AGPAT5: variants seen among roughly 807,000 people sequenced by gnomAD.
The protein encoded by AGPAT5 is 1-acyl-sn-glycerol-3-phosphate acyltransferase epsilon.
In AGPAT5, 46 loss-of-function variants were observed where a neutral mutation model predicts 45.6. The observed-to-expected ratio is 1.01, with a 90% CI of 0.80 to 1.29. The LOEUF (loss-of-function observed/expected upper bound fraction) is 1.29, where lower values mean the gene tolerates loss of function less well. Ranked by LOEUF, AGPAT5 falls within the 50% of genes most tolerant of loss-of-function variation. The pLI, the probability that AGPAT5 is intolerant of heterozygous loss-of-function variation, is 0.00. For synonymous variants in AGPAT5, 272 were observed against 167.0 expected, an observed-to-expected ratio of 1.63 and a Z score of -4.85; for missense variants, 673 against 450.7, an observed-to-expected ratio of 1.49 and a Z score of -4.47.
chr8:6,738,980 T>G (rs942813060), intron 4 of AGPAT5, among the ~76,000 whole-genome samples: 1 of 152,162 alleles, frequency 6.6e-6, no homozygotes, highest in African/African-American at 2.4e-5. Flanking sequence ...GATTTATTTA[T>G]AATTAATGTT....
chr8:6,731,954 G>A (rs1049654941), intron 3 of AGPAT5, among the ~76,000 whole-genome samples: 5 of 152,140 alleles, frequency 3.3e-5, no homozygotes, highest in Admixed American at 2.6e-4. Context: ...AGAAGGACTA[G>A]TTACACTGGA....
chr8:6,712,525 G>A (rs1271962176), intron 1 of AGPAT5, among the ~76,000 whole-genome samples: 1 of 152,158 alleles, frequency 6.6e-6, no homozygotes, highest in Non-Finnish European at 1.5e-5. Flanking sequence ...GAAGTAACTT[G>A]AATGTGGAAT....
intron 6 of AGPAT5, 91 bp from the exon 7 acceptor site, chr8:6,754,956 CTTTT>C: frequency 9.7e-7 from 1 of 1,033,852 alleles, no homozygotes; most frequent in Non-Finnish European, 1.3e-6. Flanking sequence ...CATTTTACAA[CTTTT>C]TTTGTCCTGT....
At chr8:6,715,227 T>C (rs1031431019) in intron 1 of AGPAT5, among the ~76,000 whole-genome samples, 2 of 151,978 alleles carry the variant, frequency 1.3e-5, no homozygotes, top group Non-Finnish European at 2.9e-5. Context: ...TTTAGCCTGG[T>C]GGGTGAGAGG....
rs1040005034 is a variant in AGPAT5 at position 6,761,326 on chromosome 8, T to C, written c.*3938T>C. Among the ~76,000 whole-genome samples, 19 of 151,332 alleles carry C rather than the reference T, an allele frequency of 1.3e-4. No homozygotes were observed. Among genetic ancestry groups the C allele is most frequent in the African/African-American group, 4.4e-4 (18 of 40,626 alleles). On this transcript the variant is annotated 3_prime_UTR_variant, in exon 8 of 8. Coordinates refer to ENST00000285518, the MANE Select transcript of AGPAT5 (RefSeq NM_018361.5). ...AAGATATGTTCTGCAATTTTATAAA[T>C]GTTCATGTCTTTTTTTAAAAAAGGT...
chr8:6,727,049 G>A (rs1248434699), intron 2 of AGPAT5, among the ~76,000 whole-genome samples: 2 of 152,050 alleles, frequency 1.3e-5, no homozygotes, highest in East Asian at 3.9e-4. Context: ...ATTGTGTTTA[G>A]GTACCCTTCT....
intron 6 of AGPAT5, among the ~76,000 whole-genome samples, chr8:6,753,890 C>T (rs1029419619): frequency 6.6e-6 from 1 of 152,102 alleles, no homozygotes; most frequent in African/African-American, 2.4e-5. Flanking sequence ...ACTAAGAGCT[C>T]GACACTGAAG....
chr8:6,713,747 G>C (rs1056831595), intron 1 of AGPAT5, among the ~76,000 whole-genome samples: 2 of 151,980 alleles, frequency 1.3e-5, no homozygotes, highest in African/African-American at 4.8e-5. Flanking sequence ...TTTTAGTGGG[G>C]GTAGAGACGA....
chr8:6,754,641 G>C (rs562543786), intron 6 of AGPAT5, among the ~76,000 whole-genome samples: 2 of 152,176 alleles, frequency 1.3e-5, no homozygotes, highest in African/African-American at 2.4e-5. Flanking sequence ...CAGTCACCAT[G>C]GTGACAGGTG....
chr8:6,709,190 T>G, intron 1 of AGPAT5: 2 of 443,982 alleles, frequency 4.5e-6, no homozygotes, highest in Non-Finnish European at 4.2e-6. Flanking sequence ...TTTTAAATAA[T>G]AGGGCACGCG....
At chr8:6,722,743 G>A (rs547021434) in intron 1 of AGPAT5, among the ~76,000 whole-genome samples, 1 of 152,174 alleles carries the variant, frequency 6.6e-6, no homozygotes, top group Non-Finnish European at 1.5e-5. Flanking sequence ...GACGAAAGCA[G>A]AATAACTAGT....
At chr8:6,740,238 A>C (rs1005459930) in intron 4 of AGPAT5, among the ~76,000 whole-genome samples, 5 of 152,084 alleles carry the variant, frequency 3.3e-5, no homozygotes, top group Non-Finnish European at 7.4e-5. Context: ...GAAAGCTGAT[A>C]GCCCACAGTA....
intron 4 of AGPAT5, among the ~76,000 whole-genome samples, chr8:6,739,604 T>A (rs1801172343): frequency 1.3e-5 from 2 of 152,154 alleles, no homozygotes; most frequent in South Asian, 4.1e-4. Flanking sequence ...TTTGACTTTT[T>A]AATATACTAA....
At chr8:6,730,920 G>C (rs1410910218) in intron 3 of AGPAT5, 94 bp downstream of exon 3, 11 of 742,454 alleles carry the variant, frequency 1.5e-5, no homozygotes, top group Non-Finnish European at 6.3e-6. Context: ...CTCAGGCTGA[G>C]TGCAGTGGTG....
At chr8:6,734,186 T>C (rs1800962853) in intron 4 of AGPAT5, among the ~76,000 whole-genome samples, 1 of 152,202 alleles carries the variant, frequency 6.6e-6, no homozygotes, top group Non-Finnish European at 1.5e-5. Context: ...GTCTTTCTTC[T>C]CCAGTTATGT....
At chr8:6,743,002 C>G (rs973018045) in intron 5 of AGPAT5, among the ~76,000 whole-genome samples, 1 of 152,212 alleles carries the variant, frequency 6.6e-6, no homozygotes, top group Non-Finnish European at 1.5e-5. Flanking sequence ...AAACCACTCT[C>G]GAATCTGTAG....
At chr8:6,733,451 T>G (rs1298399492) in intron 4 of AGPAT5, among the ~76,000 whole-genome samples, 1 of 152,204 alleles carries the variant, frequency 6.6e-6, no homozygotes, top group Non-Finnish European at 1.5e-5. Flanking sequence ...TGAGCATTGT[T>G]TATTCACATG....
In AGPAT5 at chr8:6,725,871, T is replaced by A. The variant is rs184471779; in HGVS notation, c.289+932T>A. Among the ~76,000 whole-genome samples, 446 of 152,374 alleles carry A rather than the reference T, an allele frequency of 2.9e-3. 3 individuals are homozygous for A. The highest frequency in any genetic ancestry group is 4.9e-3 in the Non-Finnish European group (331 of 68,034). ...AATCACTTATGCCTGTGGCTTTTTT[T>A]AAATTTTCTTCCTGTCAGCTGTCTC... is the stretch of plus-strand genomic sequence containing the variant. On this transcript the variant is annotated intron_variant, in intron 2 of 7. Transcript: ENST00000285518.
intron 7 of AGPAT5, among the ~76,000 whole-genome samples, chr8:6,756,474 A>G (rs1462006636): frequency 6.6e-6 from 1 of 152,040 alleles, no homozygotes; most frequent in Non-Finnish European, 1.5e-5. Flanking sequence ...GAAAATACAA[A>G]AATTAGCCAG....
Sources: allele counts gnomAD v4.1 joint callset (sites outside exome capture counted in the v4.1 genomes callset), GRCh38; gene constraint gnomAD v4.1.1; transcripts MANE v1.5; gene names NCBI Gene and HGNC (gene_info 2026-07-23, HGNC 2026-07-21).